FHIT: variants seen among roughly 807,000 people sequenced by gnomAD.
FHIT encodes bis(5'-adenosyl)-triphosphatase.
FHIT carries 19 observed loss-of-function variants against 17.9 expected under a neutral mutation model. The ratio of observed to expected loss-of-function variants is 1.06; its 90% CI spans 0.74 to 1.56. The LOEUF is 1.56. Ranked by LOEUF, FHIT falls within the 40% of genes most tolerant of loss-of-function variation. The pLI, the probability that FHIT is intolerant of heterozygous loss-of-function variation, is 0.00. For missense variants in FHIT, 248 were observed against 189.2 expected (o/e 1.31, Z -1.82); for synonymous variants, 81 against 69.7 (o/e 1.16, Z -0.81).
At chr3:60,531,404 G>A (rs1053919412) in intron 5 of FHIT, among the ~76,000 whole-genome samples, 3 of 149,578 alleles carry the variant, frequency 2.0e-5, no homozygotes, top group Non-Finnish European at 3.0e-5. Flanking sequence ...TCAGCCTCCC[G>A]AGTAGCTGGG....
At chr3:60,207,070 A>G (rs1703228912) in intron 5 of FHIT, among the ~76,000 whole-genome samples, 1 of 152,110 alleles carries the variant, frequency 6.6e-6, no homozygotes, top group Admixed American at 6.5e-5. Context: ...AACCATTTGA[A>G]AAAAGTCTCA....
chr3:60,839,034 A>G (rs1702627863), intron 3 of FHIT, among the ~76,000 whole-genome samples: 1 of 152,114 alleles, frequency 6.6e-6, no homozygotes. Flanking sequence ...TGGCTGAGGT[A>G]TAGAACACCC....
chr3:60,750,547 T>C (rs1471071490), intron 4 of FHIT, among the ~76,000 whole-genome samples: 1 of 152,198 alleles, frequency 6.6e-6, no homozygotes, highest in Non-Finnish European at 1.5e-5. Context: ...GGAGTTTCCC[T>C]GCACAAGGTC....
At chr3:60,872,380 T>C (rs551666632) in intron 3 of FHIT, among the ~76,000 whole-genome samples, 2 of 152,150 alleles carry the variant, frequency 1.3e-5, no homozygotes, top group African/African-American at 4.8e-5. Flanking sequence ...AATACGTACT[T>C]TCTGTGAGAC....
chr3:60,622,667 G>T (rs2039167404), intron 4 of FHIT, among the ~76,000 whole-genome samples: 1 of 152,188 alleles, frequency 6.6e-6, no homozygotes, highest in South Asian at 2.1e-4. Context: ...AAGAATTTAA[G>T]GCCTCTGGTG....
At chr3:60,758,528 G>A (rs1699527570) in intron 4 of FHIT, among the ~76,000 whole-genome samples, 1 of 152,128 alleles carries the variant, frequency 6.6e-6, no homozygotes, top group Non-Finnish European at 1.5e-5. Flanking sequence ...TACCTTTTTA[G>A]GAGAAGCAAC....
At chr3:61,025,284 G>A (rs1258835201) in intron 3 of FHIT, among the ~76,000 whole-genome samples, 1 of 152,192 alleles carries the variant, frequency 6.6e-6, no homozygotes, top group African/African-American at 2.4e-5. Flanking sequence ...AATGTAAAAG[G>A]CTAAACGTTT....
chr3:60,390,699 G>C (rs1701194977), intron 5 of FHIT, among the ~76,000 whole-genome samples: 1 of 151,716 alleles, frequency 6.6e-6, no homozygotes, highest in South Asian at 2.1e-4. Flanking sequence ...GTGTGTGTTT[G>C]TGTCTTAGTC....
intron 4 of FHIT, among the ~76,000 whole-genome samples, chr3:60,565,452 C>T (rs1487347319): frequency 6.6e-6 from 1 of 152,172 alleles, no homozygotes; most frequent in Non-Finnish European, 1.5e-5. Context: ...TGCTATAACA[C>T]CTAGTTCCCA....
At chr3:61,055,745 G>A (rs972684000) in intron 2 of FHIT, among the ~76,000 whole-genome samples, 4 of 152,186 alleles carry the variant, frequency 2.6e-5, no homozygotes, top group Non-Finnish European at 5.9e-5. Flanking sequence ...TGGAATCCAT[G>A]AGTGACATAA....
At chr3:59,771,514 C>T (rs1290339720) in intron 8 of FHIT, among the ~76,000 whole-genome samples, 2 of 152,168 alleles carry the variant, frequency 1.3e-5, no homozygotes, top group African/African-American at 2.4e-5. Context: ...TGAAACCCCC[C>T]ATAGAGTGTT....
At chr3:61,229,297 C>A (rs2040043376) in intron 1 of FHIT, among the ~76,000 whole-genome samples, 5 of 152,082 alleles carry the variant, frequency 3.3e-5, no homozygotes, top group Admixed American at 3.3e-4. Context: ...CCAAATGAAG[C>A]AAACAGTTAT....
chr3:60,371,298 T>C (rs1445484752), intron 5 of FHIT, among the ~76,000 whole-genome samples: 1 of 152,210 alleles, frequency 6.6e-6, no homozygotes, highest in Non-Finnish European at 1.5e-5. Flanking sequence ...AATTGGGATA[T>C]CCACCACCTT....
intron 4 of FHIT, among the ~76,000 whole-genome samples, chr3:60,642,999 AT>A (rs1445746824): frequency 5.3e-5 from 8 of 152,270 alleles, no homozygotes; most frequent in African/African-American, 1.4e-4. Flanking sequence ...AGTTTTTGGT[AT>A]GGCTGTTTGA....
Position 59,919,831 on chromosome 3 carries a change from C to T in FHIT, c.348+2515G>A, listed in dbSNP as rs556989930. ...ATAAAGAATGCCATCCCTCATCACTCCATCGCTTCTGATTAAGATCATTTG... is the reference window on the plus strand; with the variant it reads ...ATAAAGAATGCCATCCCTCATCACTTCATCGCTTCTGATTAAGATCATTTG... On this transcript the variant is annotated intron_variant, in intron 8 of 9. Coordinates refer to ENST00000492590, the MANE Select transcript of FHIT (RefSeq NM_002012.4). 1.2e-3 allele frequency among the ~76,000 whole-genome samples: 180 copies of T among 152,332 alleles called. 1 individual carries two copies. Among genetic ancestry groups the T allele is most frequent in the African/African-American group, 4.2e-3 (173 of 41,590 alleles).
intron 5 of FHIT, among the ~76,000 whole-genome samples, chr3:60,352,902 C>T (rs898414789): frequency 6.6e-6 from 1 of 152,118 alleles, no homozygotes; most frequent in Non-Finnish European, 1.5e-5. Flanking sequence ...TCCCTCTGGT[C>T]AGAGTGGCCT....
At chr3:61,039,755 G>C (rs2033419339) in intron 3 of FHIT, among the ~76,000 whole-genome samples, 1 of 152,148 alleles carries the variant, frequency 6.6e-6, no homozygotes, top group East Asian at 1.9e-4. Context: ...TAATGCAGAT[G>C]ACGGGTTGAT....
chr3:60,372,386 G>A (rs1332027607), intron 5 of FHIT, among the ~76,000 whole-genome samples: 2 of 152,080 alleles, frequency 1.3e-5, no homozygotes, highest in East Asian at 1.9e-4. Context: ...TAATCTGATT[G>A]TGGCACATCC....
intron 5 of FHIT, among the ~76,000 whole-genome samples, chr3:60,196,771 G>C (rs138813111): frequency 0.028 from 4,247 of 151,552 alleles, 80 homozygotes; most frequent in Middle Eastern, 0.085. Flanking sequence ...CCATTACATA[G>C]ATGATATCAT....
Sources: allele counts gnomAD v4.1 joint callset (sites outside exome capture counted in the v4.1 genomes callset), GRCh38; gene constraint gnomAD v4.1.1; transcripts MANE v1.5; gene names NCBI Gene and HGNC (gene_info 2026-07-23, HGNC 2026-07-21).